The following GALNT18 variants were observed in gnomAD, a reference collection of about 807,000 sequenced individuals.
GALNT18 encodes the protein polypeptide N-acetylgalactosaminyltransferase 18.
Under a neutral mutation model 69.5 loss-of-function variants are expected in GALNT18, and 44 were observed. The observed-to-expected ratio is 0.63, with a 90% CI of 0.50 to 0.81. The LOEUF (loss-of-function observed/expected upper bound fraction) is 0.81, where lower values mean the gene tolerates loss of function less well. GALNT18 is among the 40% of genes least tolerant of loss of function. The pLI, the probability that GALNT18 is intolerant of heterozygous loss-of-function variation, is 0.00. For synonymous variants in GALNT18, 364 were observed against 318.2 expected (o/e 1.14, Z -1.53); for missense variants, 715 against 810.0 (o/e 0.88, Z 1.42).
chr11:11,351,006 G>A lies in GALNT18; in HGVS notation c.1093-10002C>T, dbSNP rs796365371. On this transcript the variant is annotated intron_variant, in intron 6 of 10. Coordinates refer to ENST00000227756, the MANE Select transcript of GALNT18 (RefSeq NM_198516.3). ...AGAGGCAAGGTGACCAAAGAGGCATGGTCCCTGCAGGCACCAGTTTCCAGA... is the reference window on the plus strand; with the variant it reads ...AGAGGCAAGGTGACCAAAGAGGCATAGTCCCTGCAGGCACCAGTTTCCAGA... Among the ~76,000 whole-genome samples the A allele has an allele frequency of 7.9e-5, 12 of 152,310 alleles. 1 individual carries two copies. Among genetic ancestry groups the A allele is most frequent in the African/African-American group, 2.6e-4 (11 of 41,578 alleles).
At position 11,463,284 on chromosome 11, in the gene GALNT18, A is replaced by C. The variant is rs1316266848; in HGVS notation, c.236-14348T>G. Among the ~76,000 whole-genome samples, 3 of 152,142 alleles carry C rather than the reference A, an allele frequency of 2.0e-5. No homozygotes were observed. Among genetic ancestry groups the C allele is most frequent in the African/African-American group, 4.8e-5 (2 of 41,434 alleles). Reference sequence around the variant, plus strand: ...GCAGCCTACAAAAGCTCATCCTGAAAACAGATTCTTCTAGTCCCAAGTGGT... The same window carrying C: ...GCAGCCTACAAAAGCTCATCCTGAACACAGATTCTTCTAGTCCCAAGTGGT... On this transcript the variant is annotated intron_variant, in intron 1 of 10. Coordinates refer to ENST00000227756, the MANE Select transcript of GALNT18 (RefSeq NM_198516.3). This position sits in a 1 kb window ranked among gnomAD's most constrained non-coding sequence, Gnocchi z 4.2.
At position 11,605,675 on chromosome 11, in the gene GALNT18, C is replaced by G. The variant is rs7932013; in HGVS notation, c.235+15684G>C. Among the ~76,000 whole-genome samples, 16,236 of 152,228 alleles carry G rather than the reference C, an allele frequency of 0.11. 1,195 individuals carry two copies. Among genetic ancestry groups the G allele is most frequent in the Admixed American group, 0.21 (3,137 of 15,296 alleles). ...TAAAATGACTTCAATGCTGTCTCTC[C>G]TCTTGAAGCAGAAATGCCCTGCTTA... On this transcript the variant is annotated intron_variant, in intron 1 of 10. Coordinates refer to ENST00000227756, the MANE Select transcript of GALNT18 (RefSeq NM_198516.3). This position sits in a 1 kb window ranked among gnomAD's most constrained non-coding sequence, Gnocchi z 4.7.
chr11:11,364,658 C>G (rs1850720214), intron 6 of GALNT18, among the ~76,000 whole-genome samples: 1 of 152,208 alleles, frequency 6.6e-6, no homozygotes, highest in African/African-American at 2.4e-5. Context: ...TATATCAAAA[C>G]AAAAACTTAT....
intron 2 of GALNT18, among the ~76,000 whole-genome samples, chr11:11,441,973 A>G (rs1447666985): frequency 6.6e-6 from 1 of 152,198 alleles, no homozygotes; most frequent in East Asian, 1.9e-4. Context: ...TAATACTAAT[A>G]TTGTCACTGT....
intron 7 of GALNT18, among the ~76,000 whole-genome samples, chr11:11,336,280 T>C (rs1392227669): frequency 6.6e-6 from 1 of 152,172 alleles, no homozygotes; most frequent in South Asian, 2.1e-4. Flanking sequence ...CTTCGACCTT[T>C]CAAAAGTTGG....
In GALNT18 at chr11:11,332,679, A is replaced by C. The variant is rs778793767; in HGVS notation, c.1416+15T>G. 1 of 1,613,240 alleles carries C rather than the reference A, an allele frequency of 6.2e-7. No homozygotes were observed. Among genetic ancestry groups the C allele is most frequent in the Non-Finnish European group, 8.5e-7 (1 of 1,179,376 alleles). The stretch of plus-strand genomic sequence containing the variant: ...TCTGTGTCTGAATGAAACCCGGAGG[A>C]GGCCAGCTCCTTACCACTCCATAGG... On this transcript the variant is annotated intron_variant, in intron 8 of 10. Transcript: ENST00000227756. The surrounding 1 kb of genome is among the most constrained non-coding windows in gnomAD (Gnocchi z 4.3).
intron 1 of GALNT18, among the ~76,000 whole-genome samples, chr11:11,450,399 C>T (rs570170210): frequency 6.6e-6 from 1 of 152,244 alleles, no homozygotes; most frequent in South Asian, 2.1e-4. Flanking sequence ...GAGGAGACTG[C>T]CTGGGAACAA....
At position 11,554,907 on chromosome 11, in the gene GALNT18, G is replaced by A. The variant is rs145157375; in HGVS notation, c.235+66452C>T. On this transcript the variant is annotated intron_variant, in intron 1 of 10. Coordinates refer to ENST00000227756, the MANE Select transcript of GALNT18 (RefSeq NM_198516.3). The stretch of plus-strand genomic sequence containing the variant: ...GTCTCTGAGCAGGGGTGAGGGTCCC[G>A]GAGGGAGCAGACAGGCAGAGTGGAA... Among the ~76,000 whole-genome samples the A allele has an allele frequency of 8.3e-4, 126 of 152,312 alleles. 1 individual carries two copies. The highest frequency in any genetic ancestry group is 2.9e-3 in the African/African-American group (120 of 41,556).
intron 3 of GALNT18, among the ~76,000 whole-genome samples, chr11:11,391,136 C>G (rs1172389305): frequency 6.6e-6 from 1 of 152,194 alleles, no homozygotes; most frequent in Non-Finnish European, 1.5e-5. Flanking sequence ...CCTGGGACAT[C>G]CCCAGGTGCA....
At chr11:11,450,054 C>G (rs954998672) in intron 1 of GALNT18, among the ~76,000 whole-genome samples, 2 of 151,520 alleles carry the variant, frequency 1.3e-5, no homozygotes, top group African/African-American at 4.8e-5. Context: ...CATTTGAGGT[C>G]AGAAATCAGA....
rs370595804 is a variant in GALNT18 at position 11,353,340 on chromosome 11, A to G, written c.1093-12336T>C. 16 of 607,802 alleles carry G rather than the reference A, an allele frequency of 2.6e-5. No homozygotes were observed. In the African/African-American group the frequency reaches 2.8e-4, roughly 11 times the overall value. The allele number at this position is 607,802 out of a possible 1,614,324, so 37.7% of individuals were successfully genotyped here. On this transcript the variant is annotated intron_variant, in intron 6 of 10. Transcript: ENST00000227756. Reference sequence around the variant, plus strand: ...CTAAAATCCAAATAAAAACCTTCCCATCTCTAATCTGAGAGTCATTTTTAT... The same window carrying G: ...CTAAAATCCAAATAAAAACCTTCCCGTCTCTAATCTGAGAGTCATTTTTAT...
At chr11:11,450,824 G>C (rs932337042) in intron 1 of GALNT18, among the ~76,000 whole-genome samples, 1 of 152,198 alleles carries the variant, frequency 6.6e-6, no homozygotes, top group Non-Finnish European at 1.5e-5. Flanking sequence ...TATAAAGAAA[G>C]TGAGGCATAG....
intron 6 of GALNT18, among the ~76,000 whole-genome samples, chr11:11,342,315 T>C (rs780224840): frequency 6.6e-6 from 1 of 152,232 alleles, no homozygotes; most frequent in Non-Finnish European, 1.5e-5. Context: ...AGCTGATGAA[T>C]GTGGCTTCTG....
intron 1 of GALNT18, among the ~76,000 whole-genome samples, chr11:11,568,885 G>T (rs1444637726): frequency 6.6e-6 from 1 of 152,176 alleles, no homozygotes; most frequent in Non-Finnish European, 1.5e-5. Flanking sequence ...CTCATCCCCT[G>T]CTTCTGCCAG....
chr11:11,433,370 G>T (rs1015849580), intron 2 of GALNT18, among the ~76,000 whole-genome samples: 1 of 152,226 alleles, frequency 6.6e-6, no homozygotes, highest in Non-Finnish European at 1.5e-5. Flanking sequence ...ATGAGGAAAA[G>T]GTAGAAGGAC....
intron 10 of GALNT18, among the ~76,000 whole-genome samples, chr11:11,281,752 G>C (rs1331346440): frequency 6.6e-6 from 1 of 152,134 alleles, no homozygotes; most frequent in Non-Finnish European, 1.5e-5. Context: ...TAGAAGTGCG[G>C]TGACCCTGGG....
chr11:11,323,172 G>T (rs1016309786), intron 9 of GALNT18, among the ~76,000 whole-genome samples: 3 of 152,132 alleles, frequency 2.0e-5, no homozygotes, highest in Non-Finnish European at 4.4e-5. Flanking sequence ...CATCCCAACA[G>T]CCCCAAAGGT....
intron 1 of GALNT18, among the ~76,000 whole-genome samples, chr11:11,506,442 C>A (rs1056918412): frequency 6.6e-6 from 1 of 152,148 alleles, no homozygotes; most frequent in African/African-American, 2.4e-5. Flanking sequence ...ATACTTCCCC[C>A]AAATAGCTAT....
At chr11:11,499,145 C>T (rs1806597912) in intron 1 of GALNT18, among the ~76,000 whole-genome samples, 1 of 152,168 alleles carries the variant, frequency 6.6e-6, no homozygotes, top group African/African-American at 2.4e-5. Flanking sequence ...ATTATATGAT[C>T]AGCCAGCCTT....
Sources: gnomAD v4.1 joint callset for allele counts (sites outside exome capture counted in the v4.1 genomes callset) on GRCh38, gnomAD v4.1.1 for gene constraint, Gnocchi (gnomAD v3.1) non-coding constraint, MANE v1.5 for transcripts, NCBI Gene and HGNC (gene_info 2026-07-23, HGNC 2026-07-21) for gene names.